GPR158: variants seen among roughly 807,000 people sequenced by gnomAD.
GPR158 encodes the protein metabotropic glycine receptor.
GPR158 carries 30 observed loss-of-function variants against 78.2 expected under a neutral mutation model. The observed-to-expected ratio is 0.38, with a 90% CI of 0.29 to 0.52. The LOEUF (loss-of-function observed/expected upper bound fraction) is 0.52. GPR158 is among the 20% of genes least tolerant of loss of function. The pLI is 0.83. For missense variants in GPR158, 1,463 were observed against 1,523.5 expected, an observed-to-expected ratio of 0.96 and a Z score of 0.66; for synonymous variants, 581 against 591.1, an observed-to-expected ratio of 0.98 and a Z score of 0.25.
intron 8 of GPR158, among the ~76,000 whole-genome samples, chr10:25,589,727 C>T (rs745975559): frequency 6.6e-6 from 1 of 152,134 alleles, no homozygotes. Context: ...GTGATCATCC[C>T]AGGTTTCTCT....
intron 5 of GPR158, among the ~76,000 whole-genome samples, chr10:25,479,585 T>C (rs980300599): frequency 6.6e-6 from 1 of 152,060 alleles, no homozygotes; most frequent in Admixed American, 6.5e-5. Flanking sequence ...TGGCTAGTTT[T>C]TGTATTTTTA....
chr10:25,504,621 G>T (rs551114159), intron 5 of GPR158, among the ~76,000 whole-genome samples: 1 of 152,274 alleles, frequency 6.6e-6, no homozygotes, highest in African/African-American at 2.4e-5. Context: ...CTTTCCCGGA[G>T]AGAAGTTTTC....
chr10:25,329,220 A>C lies in GPR158; in HGVS notation c.1009-66691A>C, dbSNP rs553807666. On this transcript the variant is annotated intron_variant, in intron 2 of 10. Coordinates refer to ENST00000376351, the MANE Select transcript of GPR158 (RefSeq NM_020752.3). Reference sequence around the variant, plus strand: ...GGGAGGCCGAGGCGGGCAGATCACGAGGTCAGGAGATTGAGACCATCCTGG... The same window carrying C: ...GGGAGGCCGAGGCGGGCAGATCACGCGGTCAGGAGATTGAGACCATCCTGG... Among the ~76,000 whole-genome samples, 506 of 152,122 alleles carry C rather than the reference A, an allele frequency of 3.3e-3. 3 individuals are homozygous for C. Among genetic ancestry groups the C allele is most frequent in the African/African-American group, 0.011 (467 of 41,512 alleles).
chr10:25,191,943 A>C (rs1424599235), intron 1 of GPR158, among the ~76,000 whole-genome samples: 1 of 152,158 alleles, frequency 6.6e-6, no homozygotes, highest in Non-Finnish European at 1.5e-5. Context: ...CTGTCTCTTT[A>C]TGTAAACATC....
chr10:25,553,553 T>C (rs1836752093), intron 6 of GPR158, among the ~76,000 whole-genome samples: 1 of 152,180 alleles, frequency 6.6e-6, no homozygotes, highest in East Asian at 1.9e-4. Context: ...CATAGAAATG[T>C]GAACAACCTG....
At chr10:25,420,636 TA>T (rs1834736935) in intron 4 of GPR158, among the ~76,000 whole-genome samples, 2 of 152,282 alleles carry the variant, frequency 1.3e-5, no homozygotes, top group East Asian at 3.9e-4. Context: ...AGTTAATTTT[TA>T]TGTATAGTAT....
At chr10:25,496,296 C>T (rs1050340305) in intron 5 of GPR158, among the ~76,000 whole-genome samples, 21 of 152,014 alleles carry the variant, frequency 1.4e-4, no homozygotes, top group African/African-American at 3.1e-4. Flanking sequence ...TTCTGCACGT[C>T]GACTATACTA....
At chr10:25,304,671 G>C (rs1244149372) in intron 2 of GPR158, among the ~76,000 whole-genome samples, 3 of 151,962 alleles carry the variant, frequency 2.0e-5, no homozygotes, top group Non-Finnish European at 2.9e-5. Flanking sequence ...TTCTGCAAAC[G>C]ATTTTCCACA....
rs145716402 is a variant in GPR158, at chr10:25,467,494, T to C, written c.1404+775T>C. On this transcript the variant is annotated intron_variant, in intron 5 of 10. Transcript: ENST00000376351. ...CAAAATATGGCACAGAAACATGTTC[T>C]AGGGTAAAAATATTATGATTTTCTT... Among the ~76,000 whole-genome samples, 157 of 152,298 alleles carry C rather than the reference T, an allele frequency of 1.0e-3. 3 individuals carry two copies. The East Asian group carries it at 0.024, about 23-fold the overall frequency.
chr10:25,272,415 T>G (rs1854129746), intron 2 of GPR158, among the ~76,000 whole-genome samples: 1 of 152,178 alleles, frequency 6.6e-6, no homozygotes, highest in Admixed American at 6.5e-5. Flanking sequence ...ATTTTATACT[T>G]CCTTTATTTT....
chr10:25,541,948 A>ATATAAATTATATATTATATATTATAAT (rs1251773351), intron 5 of GPR158, among the ~76,000 whole-genome samples: 73 of 147,498 alleles, frequency 4.9e-4, no homozygotes, highest in Middle Eastern at 3.6e-3. Flanking sequence ...TTATATAATT[A>ATATAAATTATATATTATATATTATAAT]TATAAATTAT....
intron 2 of GPR158, among the ~76,000 whole-genome samples, chr10:25,373,972 C>T (rs1279273981): frequency 6.6e-6 from 1 of 151,580 alleles, no homozygotes; most frequent in Non-Finnish European, 1.5e-5. Flanking sequence ...AATCTTCATA[C>T]TTAATGATTT....
At chr10:25,578,746 A>AG (rs1439296840) in intron 7 of GPR158, among the ~76,000 whole-genome samples, 1 of 152,142 alleles carries the variant, frequency 6.6e-6, no homozygotes, top group African/African-American at 2.4e-5. Context: ...GGTGGCTCAC[A>AG]CCTGTAATCC....
rs955295984 is a variant in GPR158 at position 25,215,260 on chromosome 10, T to A, written c.903-5792T>A. Among the ~76,000 whole-genome samples, 17 of 152,246 alleles carry A rather than the reference T, an allele frequency of 1.1e-4. 1 individual carries two copies. In the South Asian group the frequency reaches 3.5e-3, roughly 32 times the overall value. ...CATTATACTAAGTGAAATAAGCCAGTCATGAAAAGACAAATACTGTATGAT... is the reference window on the plus strand; with the variant it reads ...CATTATACTAAGTGAAATAAGCCAGACATGAAAAGACAAATACTGTATGAT... On this transcript the variant is annotated intron_variant, in intron 1 of 10. Coordinates refer to ENST00000376351, the MANE Select transcript of GPR158 (RefSeq NM_020752.3).
chr10:25,269,791 C>G (rs1244434134), intron 2 of GPR158, among the ~76,000 whole-genome samples: 3 of 152,182 alleles, frequency 2.0e-5, no homozygotes, highest in African/African-American at 7.2e-5. Flanking sequence ...CAAGTTGTTG[C>G]ATATATTGTC....
At position 25,506,891 on chromosome 10, in the gene GPR158, G is replaced by A. The variant is rs1346733282; in HGVS notation, c.1404+40172G>A. On this transcript the variant is annotated intron_variant, in intron 5 of 10. Transcript: ENST00000376351. ...GATATGCAAAGTACAGACATTATGT[G>A]TTATTATTTGAGGGTCAACCTCACA... Among the ~76,000 whole-genome samples, 3 of 152,288 alleles carry A rather than the reference G, an allele frequency of 2.0e-5. No homozygotes were observed. In the East Asian group the frequency reaches 5.8e-4, roughly 29 times the overall value.
At chr10:25,213,568 C>A (rs1371101857) in intron 1 of GPR158, among the ~76,000 whole-genome samples, 1 of 151,874 alleles carries the variant, frequency 6.6e-6, no homozygotes, top group East Asian at 1.9e-4. Flanking sequence ...TAAAAGGTGG[C>A]TGCATTTTTT....
At chr10:25,481,179 G>C (rs1456474547) in intron 5 of GPR158, among the ~76,000 whole-genome samples, 1 of 151,314 alleles carries the variant, frequency 6.6e-6, no homozygotes, top group African/African-American at 2.4e-5. Flanking sequence ...GACAGAGACA[G>C]ACCTATGGAC....
chr10:25,430,463 T>A (rs1208199689), intron 4 of GPR158, among the ~76,000 whole-genome samples: 1 of 147,802 alleles, frequency 6.8e-6, no homozygotes, highest in African/African-American at 2.5e-5. Flanking sequence ...TTCAATGCCA[T>A]CCCCATCGAG....
Sources: gnomAD v4.1 joint callset for allele counts (sites outside exome capture counted in the v4.1 genomes callset) on GRCh38, gnomAD v4.1.1 for gene constraint, MANE v1.5 for transcripts, NCBI Gene and HGNC (gene_info 2026-07-23, HGNC 2026-07-21) for gene names.